NOS1AP: variants seen among roughly 807,000 people sequenced by gnomAD.
NOS1AP encodes carboxyl-terminal PDZ ligand of neuronal nitric oxide synthase protein.
In NOS1AP, 21 loss-of-function variants were observed where a neutral mutation model predicts 56.2. That is an observed-to-expected ratio of 0.37 (90% CI 0.26 to 0.54). The LOEUF (loss-of-function observed/expected upper bound fraction) is 0.54. Among genes scored for constraint, NOS1AP ranks in the 20% least tolerant of loss-of-function variants. The pLI, the probability that NOS1AP is intolerant of heterozygous loss-of-function variation, is 0.84. For missense variants in NOS1AP, 522 were observed against 657.8 expected, an observed-to-expected ratio of 0.79 and a Z score of 2.26; for synonymous variants, 270 against 274.6, an observed-to-expected ratio of 0.98 and a Z score of 0.17.
chr1:162,285,201 C>T (rs912493878), intron 2 of NOS1AP, among the ~76,000 whole-genome samples: 9 of 152,194 alleles, frequency 5.9e-5, no homozygotes, highest in African/African-American at 1.9e-4. Context: ...ATCAGACACA[C>T]TCTTCTGTAC....
chr1:162,365,374 G>A, intron 8 of NOS1AP, 30 bp from the exon 9 acceptor site: 1 of 1,613,970 alleles, frequency 6.2e-7, no homozygotes, highest in Non-Finnish European at 8.5e-7. Flanking sequence ...TCTCTGTCCT[G>A]TCTTCTCTGC....
rs751871512 is a variant in NOS1AP at position 162,357,075 on chromosome 1, T to TGCAGCTCCTCCA, written c.896_907dup (p.Leu299_Gln302dup). On this transcript the variant is annotated inframe_insertion, in exon 8 of 10. Transcript: ENST00000361897. ...ACACCGCTGTCCACTCACCACCAGA[T>TGCAGCTCCTCCA]GCAGCTCCTCCAGCAGCTCCTCCAG... The TGCAGCTCCTCCA allele has an allele frequency of 1.2e-6, 2 of 1,612,582 alleles. No homozygotes were observed. The highest frequency in any genetic ancestry group is 1.7e-6 in the Non-Finnish European group (2 of 1,180,004).
At chr1:162,092,388 C>A (rs570566495) in intron 1 of NOS1AP, among the ~76,000 whole-genome samples, 2 of 152,290 alleles carry the variant, frequency 1.3e-5, no homozygotes, top group East Asian at 3.9e-4. Flanking sequence ...ATCAAGAGCA[C>A]AACCAGAAGG....
intron 4 of NOS1AP, among the ~76,000 whole-genome samples, chr1:162,320,013 C>A (rs1295175945): frequency 6.6e-6 from 1 of 152,184 alleles, no homozygotes; most frequent in East Asian, 1.9e-4. Context: ...CTGGCTGCAT[C>A]CTCCTCCGCG....
chr1:162,330,294 G>A (rs566259599), intron 4 of NOS1AP, among the ~76,000 whole-genome samples: 1 of 152,314 alleles, frequency 6.6e-6, no homozygotes, highest in East Asian at 1.9e-4. Flanking sequence ...AGCAGGCAAG[G>A]AACCTCCCAT....
rs74125937 is a variant in NOS1AP, at chr1:162,155,024, A to G, written c.177+548A>G. 5.7e-3 allele frequency among the ~76,000 whole-genome samples: 874 copies of G among 152,112 alleles called. 6 individuals carry two copies. The highest frequency in any genetic ancestry group is 0.02 in the African/African-American group (832 of 41,504). On this transcript the variant is annotated intron_variant, in intron 2 of 9. Coordinates refer to ENST00000361897, the MANE Select transcript of NOS1AP (RefSeq NM_014697.3). ...AGTGGAATAAGTACTCTAAATAGGA[A>G]AAATAACATTAGCAAAGATATAGTA... is the stretch of plus-strand genomic sequence containing the variant.
At chr1:162,309,482 G>A (rs1655956370) in intron 4 of NOS1AP, among the ~76,000 whole-genome samples, 1 of 152,220 alleles carries the variant, frequency 6.6e-6, no homozygotes, top group Non-Finnish European at 1.5e-5. Flanking sequence ...CTTATCAAGT[G>A]CTGAAGCTTA....
At chr1:162,093,418 G>A (rs970193513) in intron 1 of NOS1AP, among the ~76,000 whole-genome samples, 1 of 152,148 alleles carries the variant, frequency 6.6e-6, no homozygotes, top group Non-Finnish European at 1.5e-5. Flanking sequence ...AATTATTTTG[G>A]TAACAGGTGT....
intron 2 of NOS1AP, among the ~76,000 whole-genome samples, chr1:162,286,622 C>T (rs2101736776): frequency 6.6e-6 from 1 of 152,300 alleles, no homozygotes; most frequent in East Asian, 1.9e-4. Context: ...CATCCATCAG[C>T]AGTATGGGTC....
At chr1:162,345,910 T>A (rs1571234427) in intron 6 of NOS1AP, among the ~76,000 whole-genome samples, 2 of 152,256 alleles carry the variant, frequency 1.3e-5, no homozygotes, top group South Asian at 2.1e-4. Context: ...TGTGAAAATT[T>A]AAAAAAACAA....
intron 1 of NOS1AP, among the ~76,000 whole-genome samples, chr1:162,138,718 C>T (rs888703605): frequency 7.9e-5 from 12 of 152,300 alleles, no homozygotes; most frequent in African/African-American, 2.6e-4. Context: ...ATTGAGAAAG[C>T]CCTTCTCTAA....
At chr1:162,328,475 A>T (rs2101789689) in intron 4 of NOS1AP, among the ~76,000 whole-genome samples, 1 of 152,362 alleles carries the variant, frequency 6.6e-6, no homozygotes, top group East Asian at 1.9e-4. Flanking sequence ...TAAGGATGGA[A>T]CTAGAGCAGT....
At chr1:162,344,085 T>G in intron 6 of NOS1AP, 109 bp downstream of exon 6, 1 of 1,245,440 alleles carries the variant, frequency 8.0e-7, no homozygotes, top group Non-Finnish European at 1.2e-6. Context: ...AAGAAACATT[T>G]TATTTTTTCC....
intron 2 of NOS1AP, among the ~76,000 whole-genome samples, chr1:162,226,245 A>C (rs1652935827): frequency 6.6e-6 from 1 of 152,166 alleles, no homozygotes; most frequent in Non-Finnish European, 1.5e-5. Context: ...GTGAGCTGAG[A>C]TCCCACCATT....
intron 2 of NOS1AP, among the ~76,000 whole-genome samples, chr1:162,275,148 T>A (rs1654696663): frequency 6.6e-6 from 1 of 152,164 alleles, no homozygotes; most frequent in Non-Finnish European, 1.5e-5. Context: ...TAAACCCAGG[T>A]CACAAAGTTT....
At chr1:162,313,210 T>C (rs1002248046) in intron 4 of NOS1AP, among the ~76,000 whole-genome samples, 16 of 152,220 alleles carry the variant, frequency 1.1e-4, no homozygotes, top group African/African-American at 3.9e-4. Flanking sequence ...CTGTGACTTC[T>C]ATTAAACTTT....
chr1:162,142,238 A>T (rs990460710), intron 1 of NOS1AP, among the ~76,000 whole-genome samples: 1 of 152,262 alleles, frequency 6.6e-6, no homozygotes, highest in Non-Finnish European at 1.5e-5. Context: ...TAATCTTTAC[A>T]GTGGCTCTGT....
At chr1:162,364,409 A>G in intron 8 of NOS1AP, 1 of 985,444 alleles carries the variant, frequency 1.0e-6, no homozygotes, top group Non-Finnish European at 1.2e-6. Flanking sequence ...CAAGAATCAC[A>G]TATGTGTGAA....
Position 162,074,294 on chromosome 1 carries a change from G to A in NOS1AP, c.105+4012G>A, listed in dbSNP as rs542224650. On this transcript the variant is annotated intron_variant, in intron 1 of 9. Transcript: ENST00000361897. ...TGCCTCACTTAATCCTCACACTCCA[G>A]GGCTTTTGACTCCAGGTCCATGGTT... 1.1e-4 allele frequency among the ~76,000 whole-genome samples: 16 copies of A among 152,268 alleles called. 1 individual carries two copies. The South Asian group carries it at 3.3e-3, about 32-fold the overall frequency.
Sources: allele counts gnomAD v4.1 joint callset (sites outside exome capture counted in the v4.1 genomes callset), GRCh38; gene constraint gnomAD v4.1.1; transcripts MANE v1.5; gene names NCBI Gene and HGNC (gene_info 2026-07-23, HGNC 2026-07-21).